The following RALYL variants were observed in gnomAD, a reference collection of about 807,000 sequenced individuals.
RALYL encodes the protein RALY RNA binding protein like.
Under a neutral mutation model 35.1 loss-of-function variants are expected in RALYL, and 29 were observed. The observed-to-expected ratio is 0.83, with a 90% CI of 0.61 to 1.13. The LOEUF (loss-of-function observed/expected upper bound fraction) is 1.13, where lower values mean the gene tolerates loss of function less well. Among genes scored for constraint, RALYL ranks in the 50% most tolerant of loss-of-function variants. The pLI, the probability that RALYL is intolerant of heterozygous loss-of-function variation, is 0.00. For missense variants in RALYL, 359 were observed against 360.4 expected, an observed-to-expected ratio of 1.00 and a Z score of 0.03; for synonymous variants, 120 against 127.6, an observed-to-expected ratio of 0.94 and a Z score of 0.40.
intron 2 of RALYL, among the ~76,000 whole-genome samples, chr8:84,669,817 A>G (rs1031699331): frequency 6.6e-6 from 1 of 152,180 alleles, no homozygotes; most frequent in African/African-American, 2.4e-5. Flanking sequence ...AGTAAATGAA[A>G]AATTCTCAAA....
chr8:84,616,998 T>A (rs1819881426), intron 2 of RALYL, among the ~76,000 whole-genome samples: 1 of 150,684 alleles, frequency 6.6e-6, no homozygotes, highest in Admixed American at 6.6e-5. Context: ...ACTGTAGCCT[T>A]GTAGTATAGT....
intron 2 of RALYL, among the ~76,000 whole-genome samples, chr8:84,656,087 C>CA (rs1829906490): frequency 6.6e-6 from 1 of 152,150 alleles, no homozygotes; most frequent in Non-Finnish European, 1.5e-5. Context: ...AGTTCATAAT[C>CA]AAAGTCAGTT....
chr8:84,500,373 A>G (rs567231375), intron 1 of RALYL, among the ~76,000 whole-genome samples: 16 of 152,284 alleles, frequency 1.1e-4, no homozygotes, highest in African/African-American at 2.9e-4. Context: ...CACTTATCAC[A>G]TATCTATATA....
In RALYL at chr8:84,906,789, G is replaced by A. The variant is rs931273321; in HGVS notation, c.859-14105G>A. 1.2e-4 allele frequency: 21 copies of A among 169,592 alleles called. 1 individual carries two copies. The highest frequency in any genetic ancestry group is 2.5e-4 in the Non-Finnish European group (21 of 84,072). The allele number at this position is 169,592 out of a possible 1,614,324, so 10.5% of individuals were successfully genotyped here. A position where few individuals can be genotyped will look rare whatever the true frequency, so the allele number is the denominator to read the frequency against. ...ATCCTCTAGCTCAGTCCCTTGCATG[G>A]TGCACCTTTGTCACCCACCAGCCAG... On this transcript the variant is annotated intron_variant, in intron 8 of 8. Coordinates refer to ENST00000521268, the MANE Select transcript of RALYL (RefSeq NM_173848.7).
intron 1 of RALYL, among the ~76,000 whole-genome samples, chr8:84,231,915 T>A (rs569148810): frequency 6.6e-6 from 1 of 152,242 alleles, no homozygotes; most frequent in Admixed American, 6.5e-5. Context: ...GAAACAAATA[T>A]AACAATGTGG....
intron 3 of RALYL, among the ~76,000 whole-genome samples, chr8:84,794,345 C>T (rs751972369): frequency 1.3e-5 from 2 of 152,176 alleles, no homozygotes; most frequent in Non-Finnish European, 2.9e-5. Context: ...AACTGGATAA[C>T]TCTGACTGAT....
At chr8:84,889,402 T>C (rs1173954627) in intron 8 of RALYL, among the ~76,000 whole-genome samples, 2 of 152,198 alleles carry the variant, frequency 1.3e-5, no homozygotes, top group Admixed American at 1.3e-4. Context: ...CAGCAGAATT[T>C]TTCATAAGCT....
intron 8 of RALYL, among the ~76,000 whole-genome samples, chr8:84,909,967 T>A (rs1847225836): frequency 6.6e-6 from 1 of 152,086 alleles, no homozygotes; most frequent in South Asian, 2.1e-4. Flanking sequence ...ATCTCCCACT[T>A]TAACCTAAAG....
intron 1 of RALYL, among the ~76,000 whole-genome samples, chr8:84,324,451 G>A (rs922021796): frequency 7.9e-5 from 12 of 151,834 alleles, no homozygotes; most frequent in East Asian, 1.9e-4. Context: ...AACCAACCTC[G>A]TGGAGTTCTT....
At chr8:84,288,185 T>C (rs1052708945) in intron 1 of RALYL, among the ~76,000 whole-genome samples, 2 of 152,084 alleles carry the variant, frequency 1.3e-5, no homozygotes, top group Admixed American at 6.6e-5. Context: ...GTTTTTGTTT[T>C]TGTTTTGTTT....
intron 1 of RALYL, among the ~76,000 whole-genome samples, chr8:84,238,725 A>T (rs977164707): frequency 6.6e-6 from 1 of 152,070 alleles, no homozygotes; most frequent in Non-Finnish European, 1.5e-5. Context: ...GAGAGAGGAG[A>T]GGGAAATTTT....
chr8:84,810,560 AC>A (rs1825683179), intron 4 of RALYL, among the ~76,000 whole-genome samples: 1 of 152,106 alleles, frequency 6.6e-6, no homozygotes, highest in Non-Finnish European at 1.5e-5. Context: ...TGTCTTGATG[AC>A]CTGTCTAGTG....
intron 1 of RALYL, among the ~76,000 whole-genome samples, chr8:84,430,870 T>C (rs1234959732): frequency 6.6e-6 from 1 of 152,114 alleles, no homozygotes; most frequent in Non-Finnish European, 1.5e-5. Context: ...TCTCACTGCT[T>C]ATTTAGATGG....
chr8:84,495,209 C>A (rs1328917958), intron 1 of RALYL, among the ~76,000 whole-genome samples: 1 of 151,968 alleles, frequency 6.6e-6, no homozygotes, highest in African/African-American at 2.4e-5. Context: ...ACCTCCATTT[C>A]AGCATCATCT....
At chr8:84,730,665 A>G (rs536881911) in intron 2 of RALYL, among the ~76,000 whole-genome samples, 34 of 131,004 alleles carry the variant, frequency 2.6e-4, no homozygotes, top group Middle Eastern at 7.2e-3. Flanking sequence ...ACTCTTCACT[A>G]TATTTCATTC....
At chr8:84,314,729 C>T (rs184844992) in intron 1 of RALYL, among the ~76,000 whole-genome samples, 3 of 152,130 alleles carry the variant, frequency 2.0e-5, no homozygotes, top group African/African-American at 2.4e-5. Flanking sequence ...GAGACCCCAT[C>T]GTTAATCAGT....
intron 4 of RALYL, among the ~76,000 whole-genome samples, chr8:84,810,368 TTC>T (rs1825644365): frequency 6.6e-6 from 1 of 152,178 alleles, no homozygotes; most frequent in Non-Finnish European, 1.5e-5. Flanking sequence ...AATTTCAATT[TTC>T]CTAAATTTAT....
chr8:84,898,988 C>T (rs7821251), intron 8 of RALYL, among the ~76,000 whole-genome samples: 6,265 of 152,174 alleles, frequency 0.041, 446 homozygotes, highest in African/African-American at 0.14. Flanking sequence ...TTGTGGATCC[C>T]TCACGCATAG....
intron 1 of RALYL, among the ~76,000 whole-genome samples, chr8:84,423,398 C>T (rs2045925702): frequency 6.6e-6 from 1 of 150,852 alleles, no homozygotes; most frequent in Admixed American, 6.6e-5. Flanking sequence ...TTTCCATTTG[C>T]TTGGTAGATC....
Sources: allele counts gnomAD v4.1 joint callset (sites outside exome capture counted in the v4.1 genomes callset), GRCh38; gene constraint gnomAD v4.1.1; transcripts MANE v1.5; gene names NCBI Gene and HGNC (gene_info 2026-07-23, HGNC 2026-07-21).